The following SPSB3 variants were observed in gnomAD, a reference collection of about 807,000 sequenced individuals.
The protein encoded by SPSB3 is splA/ryanodine receptor domain and SOCS box containing 3.
SPSB3 carries 18 observed loss-of-function variants against 29.5 expected under a neutral mutation model. The ratio of observed to expected loss-of-function variants is 0.61; its 90% CI spans 0.42 to 0.91. The LOEUF (loss-of-function observed/expected upper bound fraction) is 0.91, where lower values mean the gene tolerates loss of function less well. Ranked by LOEUF, SPSB3 falls within the 40% of genes least tolerant of loss-of-function variation. SPSB3 has a pLI of 0.00. For missense variants in SPSB3, 540 were observed against 507.5 expected (o/e 1.06, Z -0.61); for synonymous variants, 299 against 214.1 (o/e 1.40, Z -3.46).
chr16:1,777,573 C>A, intron 6 of SPSB3, 130 bp from the exon 7 acceptor site: 1 of 1,348,226 alleles, frequency 7.4e-7, no homozygotes, highest in Non-Finnish European at 9.9e-7. Context: ...AGGGTGCACG[C>A]GCTGGCCCTG....
At chr16:1,778,362 A>G (rs1429199433) in intron 3 of SPSB3, 41 bp from the exon 4 acceptor site, 2 of 1,610,478 alleles carry the variant, frequency 1.2e-6, no homozygotes, top group South Asian at 1.1e-5. Flanking sequence ...TGAGAGCTCC[A>G]TGGGGCTCTG....
chr16:1,777,832 C>A lies in SPSB3; in HGVS notation c.636G>T (p.Ser212=), dbSNP rs200235531. The change falls in exon 6 of 7, where the codon TCG becomes TCT. Residue 212 remains serine (S), a synonymous_variant. Coordinates refer to ENST00000566339, the MANE Select transcript of SPSB3 (RefSeq NM_080861.4). ...CAATGATGGAGCCCTGGCCGAACCGCGATGAGAAGCTGGTCTTGTCGCCCT... is the reference window on the plus strand; with the variant it reads ...CAATGATGGAGCCCTGGCCGAACCGAGATGAGAAGCTGGTCTTGTCGCCCT... ...HHKGDKTSFS[S]RFGQGSIIGV... 2.5e-6 allele frequency: 4 copies of A among 1,612,732 alleles called. No individual in the cohort carries two copies. Among genetic ancestry groups the A allele is most frequent in the Non-Finnish European group, 3.4e-6 (4 of 1,179,886 alleles).
At chr16:1,777,614 C>T (rs1019934145) in intron 6 of SPSB3, 133 bp downstream of exon 6, 6 of 1,465,174 alleles carry the variant, frequency 4.1e-6, no homozygotes, top group Non-Finnish European at 4.6e-6. Flanking sequence ...TGTCCCACCC[C>T]CTGGGACCCT....
Position 1,777,966 on chromosome 16 carries a change from C to T in SPSB3, c.575G>A (p.Ser192Asn), listed in dbSNP as rs1458864244. 6.2e-7 allele frequency: 1 copy of T among 1,612,990 alleles called. No individual in the cohort carries two copies. Among genetic ancestry groups the T allele is most frequent in the Admixed American group, 1.7e-5 (1 of 60,022 alleles). ...CGCACCCGTGTAGGAGAGGCCCCAG[C>T]TGTCCTCATCCCTGCCCAGCAGGCT... is the stretch of plus-strand genomic sequence containing the variant. ...FCSLLGRDED[S>N]WGLSYTGLLH... Residue 192 changes from serine to asparagine, a missense_variant, in exon 5 of 7, where the codon AGC becomes AAC. Physicochemically the swap from Ser to Asn is conservative, Grantham distance 46 (BLOSUM62 1). Coordinates refer to ENST00000566339, the MANE Select transcript of SPSB3 (RefSeq NM_080861.4).
chr16:1,777,598 C>T (rs957475807), intron 6 of SPSB3, 149 bp downstream of exon 6: 5 of 1,409,982 alleles, frequency 3.5e-6, no homozygotes, highest in Non-Finnish European at 3.8e-6. Flanking sequence ...TCCAGCCTGG[C>T]CTCACTGTCC....
chr16:1,780,862 C>A, intron 2 of SPSB3: 1 of 316,380 alleles, frequency 3.2e-6, no homozygotes, highest in Non-Finnish European at 6.2e-6. Flanking sequence ...CCTCCTGAGT[C>A]GTTGGGACTA....
chr16:1,781,442 G>A lies in SPSB3; in HGVS notation c.42C>T (p.Val14=), dbSNP rs1896709182. 2 of 1,612,804 alleles carry A rather than the reference G, an allele frequency of 1.2e-6. No individual in the cohort carries two copies. Among genetic ancestry groups the A allele is most frequent in the South Asian group, 2.2e-5 (2 of 91,070 alleles). The stretch of plus-strand genomic sequence containing the variant: ...CTGCGTCTCGGCGGGCTGCACTCAG[G>A]ACGAAGTGCCAGGCCCTGCTGTTCC... The part of the protein sequence containing the change: ...RPRNSRAWHF[V]LSAARRDADA... The change falls in exon 2 of 7, where the codon GTC becomes GTT. Residue 14 remains valine (V), a synonymous_variant. Coordinates refer to ENST00000566339, the MANE Select transcript of SPSB3 (RefSeq NM_080861.4).
In SPSB3 at chr16:1,778,027, C is replaced by T. The variant is rs1169556332; in HGVS notation, c.514G>A (p.Asp172Asn). ...TGGCGGTATTTGTCCAGGTCCACAT[C>T]CGACGTCCCGATGCCCACCATCTAG... ...TDMMVGIGTS[D>N]VDLDKYRHTF... Residue 172 changes from aspartate (D) to asparagine (N), a missense_variant, in exon 5 of 7, where the codon GAT becomes AAT. By Grantham distance (23) the Asp-to-Asn change is conservative. Transcript: ENST00000566339. The T allele has an allele frequency of 1.9e-6, 3 of 1,613,226 alleles. No individual in the cohort carries two copies. Among genetic ancestry groups the T allele is most frequent in the Admixed American group, 1.7e-5 (1 of 60,022 alleles).
rs1482522021 is a variant in SPSB3, at chr16:1,781,182, A to G, written c.126+176T>C. On this transcript the variant is annotated intron_variant, in intron 2 of 6. Transcript: ENST00000566339. ...GCTGTGTGTGTCCTTTGCCAAATTAAAGAGTCTTACTGAATGCGGTGCATC... is the reference window on the plus strand; with the variant it reads ...GCTGTGTGTGTCCTTTGCCAAATTAGAGAGTCTTACTGAATGCGGTGCATC... 7 of 1,538,772 alleles carry G rather than the reference A, an allele frequency of 4.5e-6. 1 individual carries two copies. The South Asian group carries it at 8.3e-5, about 18-fold the overall frequency.
At position 1,778,291 on chromosome 16, in the gene SPSB3, T is replaced by C. The variant is rs1361802834; in HGVS notation, c.335A>G (p.Lys112Arg). 5.6e-6 allele frequency: 9 copies of C among 1,612,468 alleles called. No homozygotes were observed. The highest frequency in any genetic ancestry group is 5.9e-6 in the Non-Finnish European group (7 of 1,179,990). Reference sequence around the variant, plus strand: ...ACAGCTCAGCAGGGTGGCTGATGACTTATTTAAGTCATCCCAGACCCAGTC... The same window carrying C: ...ACAGCTCAGCAGGGTGGCTGATGACCTATTTAAGTCATCCCAGACCCAGTC... ...YFDWVWDDLNKSSATLLSCDN... is the reference protein window; with the variant it reads ...YFDWVWDDLNRSSATLLSCDN... The change falls in exon 4 of 7, where the codon AAG becomes AGG. Residue 112 changes from lysine to arginine, a missense_variant. Transcript: ENST00000566339.
In SPSB3 at chr16:1,777,947, C is replaced by A. The variant is rs373581614; in HGVS notation, c.594G>T (p.Thr198=). Residue 198 remains threonine, a splice_region_variant and synonymous_variant, in exon 5 of 7, where the codon ACG becomes ACT. Coordinates refer to ENST00000566339, the MANE Select transcript of SPSB3 (RefSeq NM_080861.4). ...RDEDSWGLSY[T]GLLHHKGDKT... ...CGCCCCACCCTGGGCCTCACGCACC[C>A]GTGTAGGAGAGGCCCCAGCTGTCCT... The A allele has an allele frequency of 1.2e-4, 191 of 1,612,548 alleles. No individual in the cohort carries two copies. Among genetic ancestry groups the A allele is most frequent in the Non-Finnish European group, 1.5e-4 (172 of 1,179,910 alleles).
chr16:1,778,780 A>G lies in SPSB3; in HGVS notation c.127-168T>C, dbSNP rs561488217. ...AGCGCACAGCCCAGGCTCCCTCCCAACGGGCTCCGGCTCTGCCCCATTCTG... is the reference window on the plus strand; with the variant it reads ...AGCGCACAGCCCAGGCTCCCTCCCAGCGGGCTCCGGCTCTGCCCCATTCTG... On this transcript the variant is annotated intron_variant, in intron 2 of 6. Transcript: ENST00000566339. 81 of 663,430 alleles carry G rather than the reference A, an allele frequency of 1.2e-4. 1 individual carries two copies. In the South Asian group the frequency reaches 1.8e-3, roughly 15 times the overall value. The allele number at this position is 663,430 out of a possible 1,614,324, so 41.1% of individuals were successfully genotyped here. A position where few individuals can be genotyped will look rare whatever the true frequency, so the allele number is the denominator to read the frequency against.
chr16:1,778,322 C>T lies in SPSB3; in HGVS notation c.305-1G>A. 6.2e-7 allele frequency: 1 copy of T among 1,612,222 alleles called. No homozygotes were observed. Among genetic ancestry groups the T allele is most frequent in the East Asian group, 2.2e-5 (1 of 44,876 alleles). ...AAGTCATCCCAGACCCAGTCGAAAT[C>T]TGCAAGAGAGGCCCAGGCTGGGGCA... is the stretch of plus-strand genomic sequence containing the variant. On this transcript the variant is annotated splice_acceptor_variant, in intron 3 of 6. Coordinates refer to ENST00000566339, the MANE Select transcript of SPSB3 (RefSeq NM_080861.4). LOFTEE classifies it high-confidence loss of function.
chr16:1,778,923 G>A (rs1331957279), intron 2 of SPSB3: 1 of 286,448 alleles, frequency 3.5e-6, no homozygotes, highest in East Asian at 6.3e-5. Flanking sequence ...CCAGAGCTGA[G>A]ATGGTGTGGA....
chr16:1,777,334 G>C lies in SPSB3; in HGVS notation c.831C>G (p.Leu277=). The part of the protein sequence containing the change: ...VTRSCASATS[L]QYLCCHRLRQ... Reference sequence around the variant, plus strand: ...GCAGGCGGTGGCAGCACAGGTACTGGAGGGAAGTGGCGCTGGCACAGGAGC... The same window carrying C: ...GCAGGCGGTGGCAGCACAGGTACTGCAGGGAAGTGGCGCTGGCACAGGAGC... Residue 277 remains leucine (L), a synonymous_variant, in exon 7 of 7, where the codon CTC becomes CTG. Coordinates refer to ENST00000566339, the MANE Select transcript of SPSB3 (RefSeq NM_080861.4). 2 of 1,608,744 alleles carry C rather than the reference G, an allele frequency of 1.2e-6. No homozygotes were observed. The highest frequency in any genetic ancestry group is 2.2e-5 in the South Asian group (2 of 91,030).
At chr16:1,777,674 C>A (rs1377683550) in intron 6 of SPSB3, 73 bp downstream of exon 6, 19 of 1,588,970 alleles carry the variant, frequency 1.2e-5, no homozygotes, top group Non-Finnish European at 1.7e-6. Context: ...TCAGTGTCCC[C>A]TGGGCTGGGG....
At chr16:1,778,953 G>T in intron 2 of SPSB3, 1 of 218,048 alleles carries the variant, frequency 4.6e-6, no homozygotes. Context: ...TGCTAGGCCA[G>T]CCCTGCAGGG....
chr16:1,778,780 A>C, intron 2 of SPSB3, 168 bp from the exon 3 acceptor site: 4 of 663,428 alleles, frequency 6.0e-6, no homozygotes, highest in Non-Finnish European at 7.0e-6. Context: ...CTCCCTCCCA[A>C]CGGGCTCCGG....
chr16:1,777,360 G>T lies in SPSB3; in HGVS notation c.805C>A (p.Arg269Ser). ...AGGGAAGTGGCGCTGGCACAGGAGC[G>T]GGTGACCTTCATGCTGCTCCGGGCC... is the stretch of plus-strand genomic sequence containing the variant. ...TAARSSMKVT[R>S]SCASATSLQY... Residue 269 changes from arginine (R) to serine (S), a missense_variant, in exon 7 of 7, where the codon CGC becomes AGC. Transcript: ENST00000566339. 1 of 1,605,946 alleles carries T rather than the reference G, an allele frequency of 6.2e-7. No homozygotes were observed.
Sources: allele counts gnomAD v4.1 joint callset, GRCh38; gene constraint gnomAD v4.1.1; transcripts MANE v1.5; gene names NCBI Gene and HGNC (gene_info 2026-07-23, HGNC 2026-07-21).